The following PIK3C2A variants were observed in gnomAD, a reference collection of about 807,000 sequenced individuals.
The protein encoded by PIK3C2A is phosphatidylinositol 4-phosphate 3-kinase C2 domain-containing subunit alpha.
In PIK3C2A, 97 loss-of-function variants were observed where a neutral mutation model predicts 204.5. That is an observed-to-expected ratio of 0.47 (90% CI 0.40 to 0.56). The LOEUF (loss-of-function observed/expected upper bound fraction) is 0.56. Ranked by LOEUF, PIK3C2A falls within the 20% of genes least tolerant of loss-of-function variation. The probability of loss-of-function intolerance (pLI) is 0.00; values close to 1 mark genes in which losing one functional copy is unlikely to be tolerated. For synonymous variants in PIK3C2A, 653 were observed against 664.4 expected (o/e 0.98, Z 0.26); for missense variants, 1,735 against 1,969.2 (o/e 0.88, Z 2.25).
intron 1 of PIK3C2A, among the ~76,000 whole-genome samples, chr11:17,175,808 T>G (rs1851316161): frequency 6.6e-6 from 1 of 152,198 alleles, no homozygotes; most frequent in Non-Finnish European, 1.5e-5. Context: ...CATTTACAAT[T>G]TAAATTTAAA....
intron 1 of PIK3C2A, among the ~76,000 whole-genome samples, chr11:17,177,381 G>C (rs1851371764): frequency 6.6e-6 from 1 of 152,070 alleles, no homozygotes; most frequent in African/African-American, 2.4e-5. Flanking sequence ...TGAATGAATG[G>C]ATCAATGACT....
In PIK3C2A at chr11:17,091,643, G is replaced by A; in HGVS notation, c.4656C>T (p.Phe1552=). 6.3e-7 allele frequency: 1 copy of A among 1,590,624 alleles called. No individual in the cohort carries two copies. The highest frequency in any genetic ancestry group is 8.6e-7 in the Non-Finnish European group (1 of 1,161,998). ...CTCCTATTTGGCCTGGAGTAGGACTGAAGGAACCTGCATCTGAAAATACAA... is the reference window on the plus strand; with the variant it reads ...CTCCTATTTGGCCTGGAGTAGGACTAAAGGAACCTGCATCTGAAAATACAA... ...GIARSADAGS[F]SPTPGQIGGA... The change falls in exon 31 of 33, where the codon TTC becomes TTT. Residue 1552 remains phenylalanine (F), a synonymous_variant. Transcript: ENST00000691414.
chr11:17,162,319 C>T lies in PIK3C2A; in HGVS notation c.1065+6358G>A, dbSNP rs61879718. On this transcript the variant is annotated intron_variant, in intron 2 of 32. Transcript: ENST00000691414. ...TTGCATCACTGCACTCCAGCCTGGG[C>T]GACAGAGTGAGACTCCATCTAAAAA... is the stretch of plus-strand genomic sequence containing the variant. 6.1e-5 allele frequency among the ~76,000 whole-genome samples: 9 copies of T among 148,030 alleles called. No homozygotes were observed. In the East Asian group the frequency reaches 9.7e-4, roughly 16 times the overall value.
rs758775002 is a variant in PIK3C2A, at chr11:17,169,259, A to T, written c.483T>A (p.Thr161=). Residue 161 remains threonine (T), a synonymous_variant, in exon 2 of 33, where the codon ACT becomes ACA. Transcript: ENST00000691414. ...TYALPSIYPS[T]YSKQAAFQNG... ...TTTGGAATGCAGCCTGTTTACTGTA[A>T]GTAGAAGGATAAATAGAAGGTAAAG... 6.2e-7 allele frequency: 1 copy of T among 1,614,160 alleles called. No homozygotes were observed.
intron 32 of PIK3C2A, 138 bp downstream of exon 32, chr11:17,091,196 T>C (rs1848299860): frequency 4.3e-6 from 3 of 701,728 alleles, no homozygotes; most frequent in African/African-American, 1.8e-5. Context: ...AGGTGATAGG[T>C]TGATAGGTAT....
chr11:17,134,485 C>T (rs1033718078), intron 11 of PIK3C2A, among the ~76,000 whole-genome samples: 5 of 152,132 alleles, frequency 3.3e-5, no homozygotes, highest in African/African-American at 1.2e-4. Context: ...CCTCAGCCTC[C>T]CAAATAGCTG....
intron 22 of PIK3C2A, among the ~76,000 whole-genome samples, chr11:17,105,944 AC>A (rs747887067): frequency 1.3e-5 from 2 of 151,812 alleles, no homozygotes; most frequent in Non-Finnish European, 2.9e-5. Context: ...CCCCGTCTCT[AC>A]TAAAAATACA....
chr11:17,195,048 T>C (rs555775330), intron 1 of PIK3C2A, among the ~76,000 whole-genome samples: 7 of 152,318 alleles, frequency 4.6e-5, no homozygotes, highest in Admixed American at 2.0e-4. Context: ...TATGACACAA[T>C]GAAACTTCCT....
rs972914971 is a variant in PIK3C2A, at chr11:17,086,599, C to A, written c.*3139G>T. On this transcript the variant is annotated 3_prime_UTR_variant, in exon 33 of 33. Transcript: ENST00000691414. Reference sequence around the variant, plus strand: ...CTTTTATTCCAGAAATATTTTAATACAATCGTAGTACAGTTATGAAGTCAC... The same window carrying A: ...CTTTTATTCCAGAAATATTTTAATAAAATCGTAGTACAGTTATGAAGTCAC... The A allele has an allele frequency of 2.0e-5, 3 of 152,118 alleles. No individual in the cohort carries two copies. Among genetic ancestry groups the A allele is most frequent in the African/African-American group, 2.4e-5 (1 of 41,420 alleles). The allele number at this position is 152,118 out of a possible 1,614,324, so 9.4% of individuals were successfully genotyped here.
At position 17,088,368 on chromosome 11, in the gene PIK3C2A, C is replaced by A. The variant is rs1848207366; in HGVS notation, c.*1370G>T. The A allele has an allele frequency of 1.3e-5, 2 of 152,254 alleles. No homozygotes were observed. Among genetic ancestry groups the A allele is most frequent in the African/African-American group, 4.8e-5 (2 of 41,412 alleles). 9.4% of individuals were successfully genotyped at this position (152,254 alleles called of 1,614,324 possible). A position where few individuals can be genotyped will look rare whatever the true frequency, so the allele number is the denominator to read the frequency against. ...GGTTCAAGCGATTCTCCTGCCTCAGCCCCCCAAGTAGCTGGGATTACAGAT... is the reference window on the plus strand; with the variant it reads ...GGTTCAAGCGATTCTCCTGCCTCAGACCCCCAAGTAGCTGGGATTACAGAT... On this transcript the variant is annotated 3_prime_UTR_variant, in exon 33 of 33. Coordinates refer to ENST00000691414, the MANE Select transcript of PIK3C2A (RefSeq NM_002645.4).
At chr11:17,102,575 G>T (rs142559846) in intron 24 of PIK3C2A, 87 bp downstream of exon 24, 3 of 1,058,034 alleles carry the variant, frequency 2.8e-6, no homozygotes, top group Non-Finnish European at 4.2e-6. Context: ...AAATGGAGCC[G>T]CGAGGCAAAA....
At chr11:17,179,400 A>G (rs1346841227) in intron 1 of PIK3C2A, among the ~76,000 whole-genome samples, 1 of 151,734 alleles carries the variant, frequency 6.6e-6, no homozygotes, top group Non-Finnish European at 1.5e-5. Flanking sequence ...GGCTCAAAGC[A>G]ATCCTCTCAC....
chr11:17,136,863 A>G (rs1357180085), intron 8 of PIK3C2A, among the ~76,000 whole-genome samples: 2 of 152,230 alleles, frequency 1.3e-5, no homozygotes, highest in Admixed American at 1.3e-4. Context: ...ATTGCTATTA[A>G]TTTTACATTA....
chr11:17,168,682 A>G lies in PIK3C2A; in HGVS notation c.1060T>C (p.Ser354Pro). 5.2e-6 allele frequency: 8 copies of G among 1,553,270 alleles called. No individual in the cohort carries two copies. Among genetic ancestry groups the G allele is most frequent in the Non-Finnish European group, 7.0e-6 (8 of 1,147,002 alleles). Reference sequence around the variant, plus strand: ...TTAGTAAGAAAAGACTATACCTGAGATATATGGCCCTGGGCTTTTGCAAGC... The same window carrying G: ...TTAGTAAGAAAAGACTATACCTGAGGTATATGGCCCTGGGCTTTTGCAAGC... Reference protein sequence around the residue: ...TQLAKAQGHISQKDPNGTSSL... With the variant: ...TQLAKAQGHIPQKDPNGTSSL... The change falls in exon 2 of 33, where the codon TCT becomes CCT. Residue 354 changes from serine to proline, a missense_variant. Transcript: ENST00000691414.
chr11:17,090,785 T>G (rs1413671171), intron 32 of PIK3C2A, among the ~76,000 whole-genome samples: 1 of 151,906 alleles, frequency 6.6e-6, no homozygotes, highest in Non-Finnish European at 1.5e-5. Context: ...TGTTGCCCAG[T>G]CTGGAGTGCA....
chr11:17,181,867 G>T (rs1851579838), intron 1 of PIK3C2A, among the ~76,000 whole-genome samples: 1 of 151,752 alleles, frequency 6.6e-6, no homozygotes, highest in Non-Finnish European at 1.5e-5. Flanking sequence ...CAAGGCGGGT[G>T]GATCACTTGA....
In PIK3C2A at chr11:17,089,766, TACCATTTA is replaced by T. The variant is rs774501874; in HGVS notation, c.5025_5032del (p.Lys1676SerfsTer11). The T allele has an allele frequency of 6.2e-7, 1 of 1,613,786 alleles. No individual in the cohort carries two copies. The highest frequency in any genetic ancestry group is 1.3e-5 in the African/African-American group (1 of 75,036). On this transcript the variant is annotated frameshift_variant, in exon 33 of 33. Transcript: ENST00000691414. LOFTEE classifies it high-confidence loss of function. ...CAAGTATGTTGCCGCAGTCAGCTGA[TACCATTTA>T]ACCGTCTCTTTGCTCAAGTTGAAAT...
At chr11:17,180,407 C>A (rs765876604) in intron 1 of PIK3C2A, among the ~76,000 whole-genome samples, 24 of 151,668 alleles carry the variant, frequency 1.6e-4, no homozygotes, top group Admixed American at 6.6e-4. Flanking sequence ...ATAAAAATGT[C>A]AGTGAAAAGC....
intron 8 of PIK3C2A, among the ~76,000 whole-genome samples, chr11:17,145,248 G>A (rs947430051): frequency 6.6e-6 from 1 of 152,162 alleles, no homozygotes; most frequent in African/African-American, 2.4e-5. Context: ...GCACAATGAT[G>A]TGGTTTGGCT....
Sources: allele counts gnomAD v4.1 joint callset (sites outside exome capture counted in the v4.1 genomes callset), GRCh38; gene constraint gnomAD v4.1.1; transcripts MANE v1.5; gene names NCBI Gene and HGNC (gene_info 2026-07-23, HGNC 2026-07-21).